Variants in BECN1 observed in about 807,000 individuals in gnomAD.
The protein encoded by BECN1 is beclin-1.
Under a neutral mutation model 60.1 loss-of-function variants are expected in BECN1, and 15 were observed. The ratio of observed to expected loss-of-function variants is 0.25; its 90% confidence interval spans 0.17 to 0.38. The LOEUF (loss-of-function observed/expected upper bound fraction) is 0.38, where lower values mean the gene tolerates loss of function less well. Among genes scored for constraint, BECN1 ranks in the 10% least tolerant of loss-of-function variants. The pLI is 1.00. For synonymous variants in BECN1, 179 were observed against 201.8 expected, an observed-to-expected ratio of 0.89 and a Z score of 0.96; for missense variants, 424 against 548.2, an observed-to-expected ratio of 0.77 and a Z score of 2.26.
In BECN1 at chr17:42,811,775, C is replaced by G; in HGVS notation, c.1064G>C (p.Gly355Ala). 1.2e-6 allele frequency: 2 copies of G among 1,614,104 alleles called. No homozygotes were observed. Among genetic ancestry groups the G allele is most frequent in the Non-Finnish European group, 1.7e-6 (2 of 1,180,008 alleles). Residue 355 changes from glycine (G) to alanine (A), a missense_variant, in exon 11 of 12, where the codon GGG becomes GCG. Physicochemically the swap from Gly to Ala is moderately conservative, Grantham distance 60. Around this residue, in one of 3 missense-constraint regions of BECN1, gnomAD observed 326 missense variants for 406.2 expected, o/e 0.80. Transcript: ENST00000590099. ...KSKELPLYCS[G>A]GLRFFWDNKF... ...GTTGTCCCAGAAAAACCGCAACCCC[C>G]CAGAACAGTATAACGGCAGCTCCTG...
At chr17:42,812,109 G>A (rs1298343258) in intron 10 of BECN1, 1 of 250,042 alleles carries the variant, frequency 4.0e-6, no homozygotes, top group East Asian at 9.7e-5. Context: ...AATAGACCAG[G>A]AGCAGTGGCT....
At chr17:42,815,797 GGTGAA>G in intron 8 of BECN1, 106 bp downstream of exon 8, 1 of 1,389,038 alleles carries the variant, frequency 7.2e-7, no homozygotes, top group Non-Finnish European at 1.0e-6. Context: ...AACCTAGTTG[GGTGAA>G]GATAACCTAC....
chr17:42,814,031 G>A, intron 9 of BECN1, 23 bp from the exon 10 acceptor site: 11 of 1,534,910 alleles, frequency 7.2e-6, no homozygotes, highest in Non-Finnish European at 9.9e-6. Context: ...TACAAACAGA[G>A]ATGGATACAG....
chr17:42,822,507 C>T (rs1269870594), intron 2 of BECN1, among the ~76,000 whole-genome samples: 1 of 152,150 alleles, frequency 6.6e-6, no homozygotes, highest in East Asian at 1.9e-4. Flanking sequence ...CCTATTCAGT[C>T]TTCTCTTTTA....
intron 3 of BECN1, among the ~76,000 whole-genome samples, 193 bp from the exon 4 acceptor site, chr17:42,819,802 A>C (rs1457523689): frequency 1.3e-5 from 2 of 152,140 alleles, no homozygotes; most frequent in Non-Finnish European, 2.9e-5. Context: ...GATACAGACA[A>C]ACCTTAAGTC....
At chr17:42,824,059 T>A (rs1398724640) in intron 1 of BECN1, 96 bp downstream of exon 1, 1 of 739,748 alleles carries the variant, frequency 1.4e-6, no homozygotes, top group Non-Finnish European at 2.1e-6. Flanking sequence ...GCAAAGGCAG[T>A]TTAGAGCCCA....
intron 2 of BECN1, among the ~76,000 whole-genome samples, chr17:42,823,170 C>T (rs868155456): frequency 6.6e-6 from 1 of 152,146 alleles, no homozygotes; most frequent in African/African-American, 2.4e-5. Flanking sequence ...AGTAAGTCCT[C>T]AAAAAATACC....
At position 42,824,172 on chromosome 17, in the gene BECN1, C is replaced by T; in HGVS notation, c.-20G>A. ...CTCTTCACCTCGGGAGCCCGGAGCC[C>T]GTCACCCAAGTCCGGTCTACCGCGG... On this transcript the variant is annotated 5_prime_UTR_variant, in exon 1 of 12. Transcript: ENST00000590099. The T allele has an allele frequency of 2.3e-6, 1 of 432,360 alleles. No individual in the cohort carries two copies. The highest frequency in any genetic ancestry group is 4.2e-5 in the Admixed American group (1 of 24,018). The allele number at this position is 432,360 out of a possible 1,614,324, so 26.8% of individuals were successfully genotyped here.
At chr17:42,815,073 A>T (rs1370202785) in intron 8 of BECN1, 1 of 182,640 alleles carries the variant, frequency 5.5e-6, no homozygotes, top group Non-Finnish European at 1.1e-5. Context: ...GTGCAGGAAA[A>T]GCCATCATTC....
rs1186450975 is a variant in BECN1, at chr17:42,810,942, G to C, written c.1185-14C>G. 6 of 1,569,950 alleles carry C rather than the reference G, an allele frequency of 3.8e-6. No homozygotes were observed. Among genetic ancestry groups the C allele is most frequent in the Non-Finnish European group, 5.2e-6 (6 of 1,158,108 alleles). ...TCCACATCCATCCTGCAGATGGACA[G>C]AGCAAAACTCATTAGTAACTGAGAT... On this transcript the variant is annotated splice_polypyrimidine_tract_variant and intron_variant, in intron 11 of 11. Transcript: ENST00000590099.
intron 8 of BECN1, 36 bp from the exon 9 acceptor site, chr17:42,814,709 G>A (rs2055109529): frequency 6.2e-7 from 1 of 1,611,664 alleles, no homozygotes; most frequent in Non-Finnish European, 8.5e-7. Flanking sequence ...GGGAAATACA[G>A]GGATTACTTA....
intron 4 of BECN1, 138 bp downstream of exon 4, chr17:42,819,410 G>A (rs1220785880): frequency 2.3e-6 from 2 of 871,556 alleles, no homozygotes; most frequent in African/African-American, 3.4e-5. Context: ...AGGTATAAGG[G>A]AATACATCTT....
intron 5 of BECN1, 37 bp from the exon 6 acceptor site, chr17:42,818,717 A>T: frequency 6.2e-7 from 1 of 1,613,824 alleles, no homozygotes. Flanking sequence ...GGCCTCCCCC[A>T]TGCTTCCTGC....
At chr17:42,823,704 C>T (rs762345366) in intron 2 of BECN1, 44 bp downstream of exon 2, 5 of 1,601,382 alleles carry the variant, frequency 3.1e-6, no homozygotes, top group Admixed American at 3.4e-5. Flanking sequence ...AAGCTGCCCA[C>T]CTTCCACATT....
chr17:42,812,718 C>A (rs1597926887), intron 10 of BECN1: 1 of 150,062 alleles, frequency 6.7e-6, no homozygotes, highest in Admixed American at 6.7e-5. Context: ...GAGACTCCGT[C>A]TCAAAATAAA....
chr17:42,818,797 C>T lies in BECN1; in HGVS notation c.341G>A (p.Arg114Gln), dbSNP rs759566966. 3.3e-5 allele frequency: 53 copies of T among 1,614,150 alleles called. No individual in the cohort carries two copies. Among genetic ancestry groups the T allele is most frequent in the Non-Finnish European group, 4.2e-5 (49 of 1,180,030 alleles). The stretch of plus-strand genomic sequence containing the variant: ...ATGGGGCCGACTTGCCTTCAGTCTT[C>T]GGCTGAGGTTCTCCATGGTGCCGCC... ...SDGGTMENLS[R>Q]RLKVTGDLFD... Residue 114 changes from arginine to glutamine, a missense_variant, in exon 5 of 12, where the codon CGA (arginine) becomes CAA (glutamine). By Grantham distance (43) the Arg-to-Gln change is conservative (BLOSUM62 1). Around this residue, in one of 3 missense-constraint regions of BECN1, gnomAD observed 326 missense variants for 406.2 expected, o/e 0.80. Coordinates refer to ENST00000590099, the MANE Select transcript of BECN1 (RefSeq NM_001313998.2).
rs757512791 is a variant in BECN1, at chr17:42,818,680, C to T, written c.352G>A (p.Val118Ile). ...ATGATGTCAAAAAGGTCCCCAGTGACCTGGAAGTGTGGGAGAGTCAGGGTA... is the reference window on the plus strand; with the variant it reads ...ATGATGTCAAAAAGGTCCCCAGTGATCTGGAAGTGTGGGAGAGTCAGGGTA... ...TMENLSRRLK[V>I]TGDLFDIMSG... is the part of the protein sequence containing the mutation. Residue 118 changes from valine to isoleucine, a missense_variant and splice_region_variant, in exon 6 of 12, where the codon GTC becomes ATC. Around this residue, in one of 3 missense-constraint regions of BECN1, gnomAD observed 326 missense variants for 406.2 expected, o/e 0.80. Coordinates refer to ENST00000590099, the MANE Select transcript of BECN1 (RefSeq NM_001313998.2). 2 of 1,614,148 alleles carry T rather than the reference C, an allele frequency of 1.2e-6. No homozygotes were observed. Among genetic ancestry groups the T allele is most frequent in the South Asian group, 2.2e-5 (2 of 91,084 alleles).
chr17:42,819,027 C>A, intron 4 of BECN1, 150 bp from the exon 5 acceptor site: 2 of 773,214 alleles, frequency 2.6e-6, no homozygotes, highest in South Asian at 1.9e-5. Flanking sequence ...CCCAAGGGTA[C>A]CTCTCTCCCA....
In BECN1 at chr17:42,811,986, G is replaced by C. The variant is rs1323827959; in HGVS notation, c.1042-189C>G. On this transcript the variant is annotated intron_variant, in intron 10 of 11. Transcript: ENST00000590099. The stretch of plus-strand genomic sequence containing the variant: ...GCTTGGGCAAGTAACAATGCACTTA[G>C]AACTGTTTCACTATCAATGAAAATG... 3 of 627,460 alleles carry C rather than the reference G, an allele frequency of 4.8e-6. No homozygotes were observed. In the Admixed American group the frequency reaches 1.0e-4, roughly 21 times the overall value. The allele number at this position is 627,460 out of a possible 1,614,324, so 38.9% of individuals were successfully genotyped here. A position where few individuals can be genotyped will look rare whatever the true frequency, so the allele number is the denominator to read the frequency against.
Sources: allele counts gnomAD v4.1 joint callset (sites outside exome capture counted in the v4.1 genomes callset), GRCh38; gene constraint gnomAD v4.1.1; regional missense constraint gnomAD v4.1.1; transcripts MANE v1.5; gene names NCBI Gene and HGNC (gene_info 2026-07-23, HGNC 2026-07-21).